The following FBXO42 variants were observed in gnomAD, a reference collection of about 807,000 sequenced individuals.
The protein encoded by FBXO42 is F-box protein 42, also known as F-box only protein 42.
In FBXO42, 12 loss-of-function variants were observed where a neutral mutation model predicts 71.7. That is an observed-to-expected ratio of 0.17 (90% CI 0.11 to 0.27). The LOEUF is 0.27. FBXO42 is among the 10% of genes least tolerant of loss of function. The probability of loss-of-function intolerance (pLI) is 1.00; values close to 1 mark genes in which losing one functional copy is unlikely to be tolerated. For missense variants in FBXO42, 707 were observed against 911.9 expected (o/e 0.78, Z 2.89); for synonymous variants, 325 against 327.5 (o/e 0.99, Z 0.08).
At chr1:16,351,034 T>C (rs942101977) in intron 1 of FBXO42, among the ~76,000 whole-genome samples, 7 of 152,186 alleles carry the variant, frequency 4.6e-5, no homozygotes, top group Non-Finnish European at 8.8e-5. Flanking sequence ...CCATAAGATA[T>C]ACAGACTTAA....
At chr1:16,277,236 C>T (rs777931288) in intron 4 of FBXO42, among the ~76,000 whole-genome samples, 13 of 152,196 alleles carry the variant, frequency 8.5e-5, no homozygotes, top group Non-Finnish European at 1.5e-4. Context: ...TCATCATCCA[C>T]TTCTTCCCCA....
chr1:16,267,694 T>G (rs1037319810), intron 4 of FBXO42, among the ~76,000 whole-genome samples: 1 of 152,194 alleles, frequency 6.6e-6, no homozygotes, highest in Non-Finnish European at 1.5e-5. Context: ...GCCAGAAAAG[T>G]TACTGATTGA....
chr1:16,272,290 G>C (rs1557577995), intron 4 of FBXO42, among the ~76,000 whole-genome samples: 4 of 149,756 alleles, frequency 2.7e-5, no homozygotes. Flanking sequence ...ACAGAGTTTC[G>C]CTCTTGTTAC....
chr1:16,301,679 A>C lies in FBXO42; in HGVS notation c.367+4124T>G, dbSNP rs1487798295. On this transcript the variant is annotated intron_variant, in intron 3 of 9. Transcript: ENST00000375592. ...GAGTGAGACCCCATCTCAAAAAAAA[A>C]AAAACAACAAAAAAAAAAGAAACGG... Among the ~76,000 whole-genome samples the C allele has an allele frequency of 1.6e-4, 22 of 139,206 alleles. 1 individual carries two copies. In the East Asian group the frequency reaches 1.6e-3, roughly 10 times the overall value. 91.3% of individuals were successfully genotyped at this position (139,206 alleles called of 152,430 possible).
chr1:16,343,952 CAAA>C (rs200166365), intron 1 of FBXO42, among the ~76,000 whole-genome samples: 1 of 87,760 alleles, frequency 1.1e-5, no homozygotes, highest in Non-Finnish European at 2.5e-5. Context: ...TTTAGCATGG[CAAA>C]AAAAAAAAAA....
At chr1:16,351,318 T>C (rs956557876) in intron 1 of FBXO42, among the ~76,000 whole-genome samples, 3 of 152,098 alleles carry the variant, frequency 2.0e-5, no homozygotes, top group Admixed American at 6.6e-5. Flanking sequence ...TAAACAGCAA[T>C]AAAAGTTGTT....
In FBXO42 at chr1:16,271,910, G is replaced by A. The variant is rs998041578; in HGVS notation, c.503-15151C>T. Among the ~76,000 whole-genome samples the A allele has an allele frequency of 2.6e-5, 4 of 151,150 alleles. No homozygotes were observed. In the East Asian group the frequency reaches 6.0e-4, roughly 23 times the overall value. The stretch of plus-strand genomic sequence containing the variant: ...TCTCAGCCCTCTGGGAGGCTGAGGC[G>A]GGTGGATCACCTGAGGTCAGGAGTT... On this transcript the variant is annotated intron_variant, in intron 4 of 9. Coordinates refer to ENST00000375592, the MANE Select transcript of FBXO42 (RefSeq NM_018994.3).
At chr1:16,345,604 C>A (rs997564183) in intron 1 of FBXO42, among the ~76,000 whole-genome samples, 13 of 151,874 alleles carry the variant, frequency 8.6e-5, no homozygotes, top group African/African-American at 3.1e-4. Flanking sequence ...AATCCCAGCA[C>A]TTTGGGAGGC....
At chr1:16,278,919 C>T (rs574232945) in intron 4 of FBXO42, among the ~76,000 whole-genome samples, 1 of 152,200 alleles carries the variant, frequency 6.6e-6, no homozygotes, top group African/African-American at 2.4e-5. Context: ...GCTGGGACTA[C>T]AGGCATGTGC....
At position 16,320,148 on chromosome 1, in the gene FBXO42, T is replaced by C. The variant is rs537841187; in HGVS notation, c.-17-4713A>G. ...GCCAAGGCAGGCAGATCACCTGAGG[T>C]CAGGAGTTCAAGACCAGCCTGGCTA... On this transcript the variant is annotated intron_variant, in intron 1 of 9. Coordinates refer to ENST00000375592, the MANE Select transcript of FBXO42 (RefSeq NM_018994.3). Among the ~76,000 whole-genome samples, 33 of 151,876 alleles carry C rather than the reference T, an allele frequency of 2.2e-4. No individual in the cohort carries two copies. In the East Asian group the frequency reaches 6.4e-3, roughly 30 times the overall value.
At chr1:16,314,403 A>G (rs1446162761) in intron 2 of FBXO42, among the ~76,000 whole-genome samples, 1 of 152,232 alleles carries the variant, frequency 6.6e-6, no homozygotes, top group Non-Finnish European at 1.5e-5. Context: ...TTAAAGCCAG[A>G]TCGCCTGAAC....
Position 16,294,922 on chromosome 1 carries a change from A to G in FBXO42, c.368-5T>C, listed in dbSNP as rs750411954. The G allele has an allele frequency of 1.9e-6, 3 of 1,585,462 alleles. No homozygotes were observed. Among genetic ancestry groups the G allele is most frequent in the Non-Finnish European group, 2.6e-6 (3 of 1,164,654 alleles). Reference sequence around the variant, plus strand: ...TAGCATCATAATAGCATGCACCTAGAAAGAAAATACACAAATAACTGCTGT... The same window carrying G: ...TAGCATCATAATAGCATGCACCTAGGAAGAAAATACACAAATAACTGCTGT... On this transcript the variant is annotated splice_region_variant and splice_polypyrimidine_tract_variant and intron_variant, in intron 3 of 9. Transcript: ENST00000375592.
intron 4 of FBXO42, among the ~76,000 whole-genome samples, chr1:16,266,374 T>C (rs1221538732): frequency 6.6e-6 from 1 of 152,188 alleles, no homozygotes; most frequent in Non-Finnish European, 1.5e-5. Context: ...AGTCCCCAGC[T>C]ACTCAGGAGA....
intron 4 of FBXO42, among the ~76,000 whole-genome samples, chr1:16,260,621 T>C (rs1186164638): frequency 6.6e-6 from 1 of 152,210 alleles, no homozygotes. Context: ...CACAACTCTT[T>C]AAATAACTTG....
intron 1 of FBXO42, among the ~76,000 whole-genome samples, chr1:16,337,837 T>G (rs1479416711): frequency 8.4e-6 from 1 of 118,774 alleles, no homozygotes; most frequent in Non-Finnish European, 1.6e-5. Context: ...TGAGTGGAGA[T>G]CGCGCCACTG....
rs146154101 is a variant in FBXO42 at position 16,336,641 on chromosome 1, G to A, written c.-18+15614C>T. 3.9e-3 allele frequency among the ~76,000 whole-genome samples: 600 copies of A among 151,912 alleles called. 5 individuals carry two copies. Among genetic ancestry groups the A allele is most frequent in the African/African-American group, 0.014 (563 of 41,478 alleles). ...CAAAGTGCTGGGATTACAGGCATGA[G>A]CCACTGTCCCTAGCTGGGCCAAGGT... On this transcript the variant is annotated intron_variant, in intron 1 of 9. Transcript: ENST00000375592.
Position 16,315,314 on chromosome 1 carries a change from T to C in FBXO42, c.105A>G (p.Val35=). Residue 35 remains valine (V), a synonymous_variant, in exon 2 of 10, where the codon GTA becomes GTG. Coordinates refer to ENST00000375592, the MANE Select transcript of FBXO42 (RefSeq NM_018994.3). ...TATGTCTAGTCTCCTCAGCCTCCAA[T>C]ACTGGGTGGGGCTCCTCATCTTGAT... ...TMDQDEEPHP[V]LEAEETRHNR... is the part of the protein sequence containing the mutation. 1 of 1,614,110 alleles carries C rather than the reference T, an allele frequency of 6.2e-7. No individual in the cohort carries two copies. The highest frequency in any genetic ancestry group is 8.5e-7 in the Non-Finnish European group (1 of 1,179,998).
In FBXO42 at chr1:16,262,876, G is replaced by GT. The variant is rs1228332235; in HGVS notation, c.503-6118dup. On this transcript the variant is annotated intron_variant, in intron 4 of 9. Transcript: ENST00000375592. ...AGGCACGTGCCACCACGGCAGGCTA[G>GT]TTTTTTGTAATTTTAGTAGAGACAG... Among the ~76,000 whole-genome samples the GT allele has an allele frequency of 2.6e-5, 4 of 151,998 alleles. No individual in the cohort carries two copies. The East Asian group carries it at 7.8e-4, about 30-fold the overall frequency.
At chr1:16,342,369 C>A (rs1242219610) in intron 1 of FBXO42, among the ~76,000 whole-genome samples, 2 of 146,618 alleles carry the variant, frequency 1.4e-5, no homozygotes, top group Non-Finnish European at 3.0e-5. Context: ...GCACTCCAGC[C>A]TGGGCAAGAA....
Sources: allele counts gnomAD v4.1 joint callset (sites outside exome capture counted in the v4.1 genomes callset), GRCh38; gene constraint gnomAD v4.1.1; transcripts MANE v1.5; gene names NCBI Gene and HGNC (gene_info 2026-07-23, HGNC 2026-07-21).